Variants in ANKS1B observed in about 807,000 individuals in gnomAD.
The protein encoded by ANKS1B is ankyrin repeat and sterile alpha motif domain containing 1B.
A neutral mutation model predicts 148.3 loss-of-function variants in ANKS1B; 36 were observed. The ratio of observed to expected loss-of-function variants is 0.24; its 90% CI spans 0.19 to 0.32. The LOEUF (loss-of-function observed/expected upper bound fraction) is 0.32, where lower values mean the gene tolerates loss of function less well. Ranked by LOEUF, ANKS1B falls within the 10% of genes least tolerant of loss-of-function variation. The pLI is 1.00. For missense variants in ANKS1B, 1,157 were observed against 1,542.6 expected, an observed-to-expected ratio of 0.75 and a Z score of 4.19; for synonymous variants, 542 against 560.8, an observed-to-expected ratio of 0.97 and a Z score of 0.47.
At chr12:99,460,853 A>G (rs2095948563) in intron 10 of ANKS1B, among the ~76,000 whole-genome samples, 1 of 152,130 alleles carries the variant, frequency 6.6e-6, no homozygotes. Flanking sequence ...TCAAAGAAGT[A>G]AAAGTAGATC....
chr12:99,182,924 C>T (rs1469121058), intron 14 of ANKS1B, among the ~76,000 whole-genome samples: 1 of 152,178 alleles, frequency 6.6e-6, no homozygotes, highest in Non-Finnish European at 1.5e-5. Context: ...ATGTTGAACA[C>T]ACTTTTATAT....
intron 9 of ANKS1B, among the ~76,000 whole-genome samples, chr12:99,633,345 A>T (rs1567524706): frequency 6.6e-6 from 1 of 152,180 alleles, no homozygotes; most frequent in African/African-American, 2.4e-5. Flanking sequence ...ATCTACAACT[A>T]TCTGATCTTT....
intron 15 of ANKS1B, among the ~76,000 whole-genome samples, chr12:99,141,046 C>A (rs2070545538): frequency 6.6e-6 from 1 of 152,108 alleles, no homozygotes; most frequent in South Asian, 2.1e-4. Context: ...CATTAGCAAC[C>A]AACTCTCCAC....
At chr12:99,163,193 A>G (rs532703071) in intron 14 of ANKS1B, among the ~76,000 whole-genome samples, 1 of 152,152 alleles carries the variant, frequency 6.6e-6, no homozygotes, top group Non-Finnish European at 1.5e-5. Context: ...ATGTGGATAA[A>G]CCACAGTTTA....
intron 1 of ANKS1B, among the ~76,000 whole-genome samples, chr12:99,950,394 A>T (rs1179127264): frequency 6.6e-6 from 1 of 151,864 alleles, no homozygotes; most frequent in Admixed American, 6.6e-5. Flanking sequence ...TTGCACCATC[A>T]GCCTTCCCCG....
At chr12:98,823,519 T>A (rs2099218705) in intron 19 of ANKS1B, among the ~76,000 whole-genome samples, 1 of 152,244 alleles carries the variant, frequency 6.6e-6, no homozygotes, top group East Asian at 1.9e-4. Flanking sequence ...AGACAGAGTC[T>A]CCCTCTGTCA....
At chr12:99,861,901 T>C (rs2153718767) in intron 1 of ANKS1B, among the ~76,000 whole-genome samples, 1 of 127,022 alleles carries the variant, frequency 7.9e-6, no homozygotes, top group East Asian at 2.5e-4. Context: ...CTGGAGCAGC[T>C]CCAGAAAAAA....
At chr12:99,863,479 G>C (rs750090799) in intron 1 of ANKS1B, among the ~76,000 whole-genome samples, 35 of 152,150 alleles carry the variant, frequency 2.3e-4, no homozygotes, top group Non-Finnish European at 3.7e-4. Flanking sequence ...ACTTTGGGAG[G>C]CCAAGGCAGG....
At chr12:99,448,440 G>A (rs2095671625) in intron 10 of ANKS1B, among the ~76,000 whole-genome samples, 1 of 152,070 alleles carries the variant, frequency 6.6e-6, no homozygotes, top group African/African-American at 2.4e-5. Context: ...ACCAGGGACT[G>A]GGGAGATGTT....
intron 1 of ANKS1B, among the ~76,000 whole-genome samples, chr12:99,916,304 T>C (rs778122475): frequency 1.3e-5 from 2 of 152,162 alleles, no homozygotes; most frequent in Non-Finnish European, 2.9e-5. Context: ...CTGGTGAAAG[T>C]GGAATACCCA....
intron 17 of ANKS1B, among the ~76,000 whole-genome samples, chr12:98,951,041 CT>C (rs1454660810): frequency 6.6e-6 from 1 of 152,132 alleles, no homozygotes; most frequent in Non-Finnish European, 1.5e-5. Context: ...TACAACCCCC[CT>C]GAAATTACAT....
At chr12:99,398,778 C>T (rs1184202071) in intron 12 of ANKS1B, among the ~76,000 whole-genome samples, 1 of 152,108 alleles carries the variant, frequency 6.6e-6, no homozygotes, top group African/African-American at 2.4e-5. Flanking sequence ...AGCTCACCAA[C>T]ATATTATTAG....
At chr12:99,984,050 C>G in intron 1 of ANKS1B, 54 bp downstream of exon 1, 1 of 1,459,452 alleles carries the variant, frequency 6.9e-7, no homozygotes, top group East Asian at 2.3e-5. Context: ...GGACGTATAT[C>G]CATCACAATG....
At chr12:99,622,496 C>T (rs1415244361) in intron 9 of ANKS1B, among the ~76,000 whole-genome samples, 3 of 151,722 alleles carry the variant, frequency 2.0e-5, no homozygotes, top group Non-Finnish European at 2.9e-5. Flanking sequence ...CAATATACTG[C>T]TAAACAGATT....
rs146418753 is a variant in ANKS1B, at chr12:98,932,482, A to G, written c.2779-100346T>C. Among the ~76,000 whole-genome samples the G allele has an allele frequency of 4.5e-3, 679 of 152,310 alleles. 4 individuals carry two copies. The highest frequency in any genetic ancestry group is 0.021 in the South Asian group (101 of 4,826). ...CAAATCTGAGGAGTGGCAAGCGGCG[A>G]AGACCAAAAGCTTATCTGTGTGGAA... is the stretch of plus-strand genomic sequence containing the variant. On this transcript the variant is annotated intron_variant, in intron 17 of 26. Coordinates refer to ENST00000683438, the MANE Select transcript of ANKS1B (RefSeq NM_001352186.2).
intron 1 of ANKS1B, among the ~76,000 whole-genome samples, chr12:99,869,047 A>C (rs2091135155): frequency 6.6e-6 from 1 of 152,138 alleles, no homozygotes; most frequent in Non-Finnish European, 1.5e-5. Context: ...ACAAAATGAG[A>C]GTCTGTCTCA....
At chr12:98,924,192 C>G (rs2099805043) in intron 17 of ANKS1B, among the ~76,000 whole-genome samples, 1 of 152,174 alleles carries the variant, frequency 6.6e-6, no homozygotes. Context: ...TTGGGTGAAG[C>G]CCCCAGCTTC....
At position 99,827,643 on chromosome 12, in the gene ANKS1B, T is replaced by C. The variant is rs191441851; in HGVS notation, c.135-2254A>G. On this transcript the variant is annotated intron_variant, in intron 1 of 26. Transcript: ENST00000683438. ...CTATATGTATCCCATAACATGTGTA[T>C]ACCACAAATATACACAATAAAATTT... 4.6e-5 allele frequency among the ~76,000 whole-genome samples: 7 copies of C among 152,326 alleles called. No homozygotes were observed. The East Asian group carries it at 9.6e-4, about 21-fold the overall frequency.
intron 17 of ANKS1B, among the ~76,000 whole-genome samples, chr12:98,903,195 T>C (rs1424522401): frequency 6.6e-6 from 1 of 152,144 alleles, no homozygotes; most frequent in Non-Finnish European, 1.5e-5. Context: ...GGATAAAATA[T>C]GGCTGATGGC....
Sources: gnomAD v4.1 joint callset for allele counts (sites outside exome capture counted in the v4.1 genomes callset) on GRCh38, gnomAD v4.1.1 for gene constraint, MANE v1.5 for transcripts, NCBI Gene and HGNC (gene_info 2026-07-23, HGNC 2026-07-21) for gene names.